Variants in SOX6 observed in about 807,000 individuals in gnomAD.
SOX6 encodes transcription factor SOX-6.
SOX6 carries 11 observed loss-of-function variants against 97.8 expected under a neutral mutation model. That is an observed-to-expected ratio of 0.11 (90% CI 0.07 to 0.19). The LOEUF (loss-of-function observed/expected upper bound fraction) is 0.19, where lower values mean the gene tolerates loss of function less well. Ranked by LOEUF, SOX6 falls within the 10% of genes least tolerant of loss-of-function variation. The probability of loss-of-function intolerance (pLI) is 1.00; values close to 1 mark genes in which losing one functional copy is unlikely to be tolerated. For synonymous variants in SOX6, 360 were observed against 371.4 expected, an observed-to-expected ratio of 0.97 and a Z score of 0.35; for missense variants, 810 against 1,039.5, an observed-to-expected ratio of 0.78 and a Z score of 3.04.
intron 3 of SOX6, chr11:16,312,846 C>T (rs1855644898): frequency 6.6e-6 from 1 of 152,130 alleles, no homozygotes; most frequent in African/African-American, 2.4e-5. Flanking sequence ...TTTATTATAG[C>T]TGAAGAATTT....
chr11:16,543,309 G>A (rs1162972088), intron 4 of SOX6, among the ~76,000 whole-genome samples: 1 of 151,736 alleles, frequency 6.6e-6, no homozygotes, highest in Non-Finnish European at 1.5e-5. Context: ...AACTTTAACG[G>A]TAATATCACT....
intron 4 of SOX6, among the ~76,000 whole-genome samples, chr11:16,574,501 C>T (rs1000322504): frequency 6.6e-6 from 1 of 152,004 alleles, no homozygotes; most frequent in Non-Finnish European, 1.5e-5. Flanking sequence ...TATTCAAGGT[C>T]AATTGAAAGT....
chr11:16,018,905 T>C (rs978880557), intron 12 of SOX6, among the ~76,000 whole-genome samples: 10 of 152,124 alleles, frequency 6.6e-5, no homozygotes, highest in Non-Finnish European at 1.2e-4. Flanking sequence ...CAGGAAGACA[T>C]TCCATATAGT....
intron 1 of SOX6, among the ~76,000 whole-genome samples, chr11:16,373,821 GAGGA>G (rs149710263): frequency 1.0e-3 from 108 of 105,496 alleles, no homozygotes; most frequent in African/African-American, 3.7e-3. Flanking sequence ...GGGAGGGAGA[GAGGA>G]AGGAAGGAAG....
At chr11:16,632,231 T>C (rs182697361) in intron 3 of SOX6, among the ~76,000 whole-genome samples, 6 of 152,330 alleles carry the variant, frequency 3.9e-5, no homozygotes, top group Admixed American at 3.9e-4. Flanking sequence ...ATTATTTTCA[T>C]GTGGGTAGGA....
chr11:16,646,625 C>T (rs773561347), intron 3 of SOX6, among the ~76,000 whole-genome samples: 1 of 152,088 alleles, frequency 6.6e-6, no homozygotes, highest in Non-Finnish European at 1.5e-5. Context: ...CTGACTCACT[C>T]CCACCCTTTC....
chr11:16,630,643 A>T (rs7120884), intron 3 of SOX6, among the ~76,000 whole-genome samples: 9 of 152,188 alleles, frequency 5.9e-5, no homozygotes, highest in Admixed American at 2.6e-4. Flanking sequence ...AAAATTTGTT[A>T]GTTTTCTGCC....
chr11:16,464,093 A>C (rs1859984018), intron 1 of SOX6, among the ~76,000 whole-genome samples: 1 of 152,200 alleles, frequency 6.6e-6, no homozygotes, highest in Non-Finnish European at 1.5e-5. Context: ...TTCTCCTTTT[A>C]AGATCAAGAT....
At chr11:16,317,733 A>T (rs767144933) in intron 3 of SOX6, 3 of 161,486 alleles carry the variant, frequency 1.9e-5, no homozygotes, top group Non-Finnish European at 2.7e-5. Context: ...CAGAACTATT[A>T]ATTACTCTAC....
At chr11:16,085,041 T>C (rs1848548717) in intron 9 of SOX6, among the ~76,000 whole-genome samples, 2 of 152,184 alleles carry the variant, frequency 1.3e-5, no homozygotes, top group Admixed American at 6.5e-5. Context: ...TTCTGTCTCT[T>C]GGTCTCAGGA....
intron 13 of SOX6, among the ~76,000 whole-genome samples, chr11:16,013,923 G>C (rs1305844201): frequency 6.6e-6 from 1 of 151,972 alleles, no homozygotes; most frequent in Non-Finnish European, 1.5e-5. Context: ...AGGGATTTTA[G>C]GGTCCTGGAA....
At chr11:16,678,762 TC>T (rs1234504771) in intron 3 of SOX6, among the ~76,000 whole-genome samples, 1 of 152,120 alleles carries the variant, frequency 6.6e-6, no homozygotes, top group African/African-American at 2.4e-5. Context: ...ACTGAGCTTT[TC>T]CCACGATCTT....
At chr11:16,554,343 T>C (rs984903293) in intron 4 of SOX6, among the ~76,000 whole-genome samples, 1 of 152,162 alleles carries the variant, frequency 6.6e-6, no homozygotes, top group Non-Finnish European at 1.5e-5. Context: ...CAGAATGACC[T>C]GGAATTTATC....
chr11:16,530,648 T>C (rs1477218822), intron 4 of SOX6, among the ~76,000 whole-genome samples: 2 of 152,022 alleles, frequency 1.3e-5, no homozygotes, highest in African/African-American at 2.4e-5. Flanking sequence ...AGGGCCATTA[T>C]AGACAACAGA....
At chr11:16,184,976 T>C (rs571476537) in intron 5 of SOX6, among the ~76,000 whole-genome samples, 2 of 152,274 alleles carry the variant, frequency 1.3e-5, no homozygotes, top group Non-Finnish European at 2.9e-5. Flanking sequence ...AAAGCCAGTA[T>C]TCTAGAATGG....
intron 4 of SOX6, among the ~76,000 whole-genome samples, chr11:16,487,402 C>A (rs1860454358): frequency 6.6e-6 from 1 of 151,956 alleles, no homozygotes; most frequent in Non-Finnish European, 1.5e-5. Context: ...AAGCATAATC[C>A]CAGACCTCCA....
intron 4 of SOX6, among the ~76,000 whole-genome samples, chr11:16,515,055 T>C (rs1860948155): frequency 6.6e-6 from 1 of 151,506 alleles, no homozygotes; most frequent in East Asian, 2.0e-4. Context: ...CCTTTGGGTA[T>C]ATACCCAGTA....
intron 1 of SOX6, among the ~76,000 whole-genome samples, chr11:16,417,565 C>T (rs575461742): frequency 1.3e-5 from 2 of 151,978 alleles, no homozygotes; most frequent in African/African-American, 4.8e-5. Context: ...AACCAGAATG[C>T]GGCAGTGGGA....
At chr11:15,980,088 A>C (rs1021015341) in intron 15 of SOX6, among the ~76,000 whole-genome samples, 1 of 152,116 alleles carries the variant, frequency 6.6e-6, no homozygotes, top group Non-Finnish European at 1.5e-5. Flanking sequence ...AATCTATTTC[A>C]GGGAAGAAAA....
Sources: gnomAD v4.1 joint callset for allele counts (sites outside exome capture counted in the v4.1 genomes callset) on GRCh38, gnomAD v4.1.1 for gene constraint, MANE v1.5 for transcripts, NCBI Gene and HGNC (gene_info 2026-07-23, HGNC 2026-07-21) for gene names.